The following SHISA6 variants were observed in gnomAD, a reference collection of about 807,000 sequenced individuals.
SHISA6 encodes shisa family member 6, also known as protein shisa-6.
A neutral mutation model predicts 47.9 loss-of-function variants in SHISA6; 22 were observed. That is an observed-to-expected ratio of 0.46 (90% CI 0.33 to 0.66). SHISA6 has a LOEUF of 0.66. Among genes scored for constraint, SHISA6 ranks in the 30% least tolerant of loss-of-function variants. The probability of loss-of-function intolerance (pLI) is 0.02; values close to 1 mark genes in which losing one functional copy is unlikely to be tolerated. For missense variants in SHISA6, 680 were observed against 764.6 expected, an observed-to-expected ratio of 0.89 and a Z score of 1.30; for synonymous variants, 388 against 337.8, an observed-to-expected ratio of 1.15 and a Z score of -1.63.
chr17:11,273,268 C>T (rs1156826414), intron 2 of SHISA6, among the ~76,000 whole-genome samples: 2 of 152,152 alleles, frequency 1.3e-5, no homozygotes, highest in Admixed American at 6.5e-5. Context: ...TCAAATTGAC[C>T]AGAGGTACAG....
intron 2 of SHISA6, among the ~76,000 whole-genome samples, chr17:11,331,556 C>T (rs1911113291): frequency 6.6e-6 from 1 of 152,074 alleles, no homozygotes; most frequent in African/African-American, 2.4e-5. Flanking sequence ...AAAAACAATG[C>T]ACAGCTAAAA....
At chr17:11,419,857 T>A (rs1184245615) in intron 3 of SHISA6, among the ~76,000 whole-genome samples, 2 of 152,150 alleles carry the variant, frequency 1.3e-5, no homozygotes, top group Admixed American at 1.3e-4. Flanking sequence ...ATTTTGCAGT[T>A]TTGTGTTCAT....
intron 2 of SHISA6, among the ~76,000 whole-genome samples, chr17:11,267,429 A>G (rs977405893): frequency 3.9e-5 from 6 of 152,230 alleles, no homozygotes; most frequent in Non-Finnish European, 5.9e-5. Flanking sequence ...CTCTTAGCTC[A>G]GTGATTATCA....
At chr17:11,309,432 C>T (rs1275107340) in intron 2 of SHISA6, among the ~76,000 whole-genome samples, 1 of 152,170 alleles carries the variant, frequency 6.6e-6, no homozygotes, top group Non-Finnish European at 1.5e-5. Flanking sequence ...TGTAGGAGAT[C>T]CATCTTATCA....
At chr17:11,345,991 A>T (rs1182891837) in intron 2 of SHISA6, among the ~76,000 whole-genome samples, 1 of 152,168 alleles carries the variant, frequency 6.6e-6, no homozygotes. Flanking sequence ...CACCTCCAGT[A>T]CAATAAAAGT....
chr17:11,490,320 T>C lies in SHISA6; in HGVS notation c.896-61576T>C, dbSNP rs1597547400. Among the ~76,000 whole-genome samples the C allele has an allele frequency of 2.6e-5, 4 of 151,808 alleles. No individual in the cohort carries two copies. In the South Asian group the frequency reaches 8.4e-4, roughly 32 times the overall value. On this transcript the variant is annotated intron_variant, in intron 3 of 5. Coordinates refer to ENST00000441885, the MANE Select transcript of SHISA6 (RefSeq NM_207386.4). ...GTGGAGGCGGTGACATAAAGTCCAA[T>C]TGCAGACACTGAGAGGGAGTAAGAG...
At chr17:11,515,688 G>A (rs1038163686) in intron 3 of SHISA6, among the ~76,000 whole-genome samples, 5 of 152,086 alleles carry the variant, frequency 3.3e-5, no homozygotes, top group African/African-American at 9.7e-5. Flanking sequence ...TGGGTCAGAC[G>A]CTGACCAAAG....
chr17:11,417,051 T>C (rs1435219359), intron 3 of SHISA6, among the ~76,000 whole-genome samples: 1 of 152,180 alleles, frequency 6.6e-6, no homozygotes, highest in Non-Finnish European at 1.5e-5. Context: ...TTATATGAAA[T>C]CTGCCATTTG....
At chr17:11,344,595 T>C (rs1911635533) in intron 2 of SHISA6, among the ~76,000 whole-genome samples, 1 of 152,188 alleles carries the variant, frequency 6.6e-6, no homozygotes, top group African/African-American at 2.4e-5. Flanking sequence ...GGTTTATTTC[T>C]GGACTCTCTT....
intron 3 of SHISA6, among the ~76,000 whole-genome samples, chr17:11,418,558 C>A (rs909548188): frequency 6.6e-6 from 1 of 152,146 alleles, no homozygotes; most frequent in African/African-American, 2.4e-5. Context: ...ACTATTTTCT[C>A]ATACATAAAA....
chr17:11,267,308 C>T (rs1908461618), intron 2 of SHISA6, among the ~76,000 whole-genome samples: 1 of 152,188 alleles, frequency 6.6e-6, no homozygotes, highest in African/African-American at 2.4e-5. Context: ...TCCATTGGAA[C>T]TTGTTAGAAA....
At chr17:11,533,880 C>T (rs1005706224) in intron 3 of SHISA6, among the ~76,000 whole-genome samples, 10 of 151,986 alleles carry the variant, frequency 6.6e-5, no homozygotes, top group Non-Finnish European at 1.2e-4. Flanking sequence ...CGTGAGCCAC[C>T]GCGCCCAGCC....
At chr17:11,392,651 A>G (rs1429555084) in intron 3 of SHISA6, among the ~76,000 whole-genome samples, 1 of 152,230 alleles carries the variant, frequency 6.6e-6, no homozygotes, top group East Asian at 1.9e-4. Flanking sequence ...TCGTGAGCGA[A>G]ATAAACCTCA....
chr17:11,308,325 G>C (rs909705181), intron 2 of SHISA6, among the ~76,000 whole-genome samples: 1 of 152,184 alleles, frequency 6.6e-6, no homozygotes, highest in Non-Finnish European at 1.5e-5. Flanking sequence ...CCATCAGGGT[G>C]ATCCCAGCTC....
intron 2 of SHISA6, among the ~76,000 whole-genome samples, chr17:11,372,690 CT>C (rs1169229927): frequency 6.6e-6 from 1 of 151,518 alleles, no homozygotes; most frequent in African/African-American, 2.4e-5. Flanking sequence ...GGGAAAAGGC[CT>C]TTATCTCATG....
chr17:11,556,514 TG>T (rs2071981771), intron 5 of SHISA6, among the ~76,000 whole-genome samples: 1 of 152,218 alleles, frequency 6.6e-6, no homozygotes, highest in Non-Finnish European at 1.5e-5. Flanking sequence ...CCTGGCTTTC[TG>T]GCCTTGGACC....
intron 2 of SHISA6, among the ~76,000 whole-genome samples, chr17:11,291,635 AAAC>A (rs796809748): frequency 4.0e-5 from 6 of 151,838 alleles, no homozygotes; most frequent in East Asian, 1.9e-4. Context: ...CTCTGTCTCA[AAAC>A]AACAACAACA....
chr17:11,340,788 A>T (rs1168079996), intron 2 of SHISA6, among the ~76,000 whole-genome samples: 16 of 152,210 alleles, frequency 1.1e-4, no homozygotes, highest in Non-Finnish European at 2.1e-4. Flanking sequence ...CAGTTTCTTG[A>T]AGCACTGAAC....
intron 3 of SHISA6, among the ~76,000 whole-genome samples, chr17:11,450,430 G>T (rs1915365324): frequency 6.6e-6 from 1 of 152,164 alleles, no homozygotes; most frequent in Middle Eastern, 3.4e-3. Context: ...GCCGAGGTGG[G>T]CGGATCACCT....
Sources: allele counts gnomAD v4.1 joint callset (sites outside exome capture counted in the v4.1 genomes callset), GRCh38; gene constraint gnomAD v4.1.1; transcripts MANE v1.5; gene names NCBI Gene and HGNC (gene_info 2026-07-23, HGNC 2026-07-21).